The following LINGO1 variants were observed in gnomAD, a reference collection of about 807,000 sequenced individuals.
The protein encoded by LINGO1 is leucine rich repeat and Ig domain containing 1.
In LINGO1, 11 loss-of-function variants were observed where a neutral mutation model predicts 37.3. That is an observed-to-expected ratio of 0.29 (90% CI 0.19 to 0.49). LINGO1 has a LOEUF of 0.49. Ranked by LOEUF, LINGO1 falls within the 20% of genes least tolerant of loss-of-function variation. LINGO1 has a pLI of 0.99. For synonymous variants in LINGO1, 387 were observed against 403.0 expected (o/e 0.96, Z 0.48); for missense variants, 585 against 878.2 (o/e 0.67, Z 4.22).
chr15:77,686,584 C>CCT (rs2075515266), intron 2 of LINGO1, among the ~76,000 whole-genome samples: 1 of 152,196 alleles, frequency 6.6e-6, no homozygotes, highest in African/African-American at 2.4e-5. Context: ...CACCGTCAAC[C>CCT]CTCTCACAGG....
upstream of LINGO1, among the ~76,000 whole-genome samples, chr15:77,637,320 C>T (rs575402251): frequency 6.6e-6 from 1 of 152,310 alleles, no homozygotes; most frequent in South Asian, 2.1e-4. The surrounding 1 kb of genome is among the most constrained non-coding windows in gnomAD (Gnocchi z 4.6). Context: ...GGGAGGCCCA[C>T]CCCCGTTAAC....
At chr15:77,664,170 T>TGTGC in intron 3 of LINGO1, among the ~76,000 whole-genome samples, 1,350 of 130,916 alleles carry the variant, frequency 0.01, 14 homozygotes, top group South Asian at 0.028. Context: ...TGTGTGTGTG[T>TGTGC]GCGCGCGCGC....
At chr15:77,642,208 C>T (rs1374634652) in intron 3 of LINGO1, among the ~76,000 whole-genome samples, 1 of 152,182 alleles carries the variant, frequency 6.6e-6, no homozygotes, top group Non-Finnish European at 1.5e-5. Context: ...AGACCTGAGT[C>T]CAGGACAGCA....
At chr15:77,674,622 C>T (rs537268635) in intron 3 of LINGO1, among the ~76,000 whole-genome samples, 6 of 152,090 alleles carry the variant, frequency 3.9e-5, no homozygotes, top group Non-Finnish European at 8.8e-5. Context: ...ACCTGCTGTT[C>T]CCTCTGTTTG....
chr15:77,659,159 A>T (rs1165682804), intron 3 of LINGO1, among the ~76,000 whole-genome samples: 1 of 152,154 alleles, frequency 6.6e-6, no homozygotes, highest in African/African-American at 2.4e-5. Context: ...TGAAGCGTAT[A>T]AGCAGGGCTT....
intron 1 of LINGO1, among the ~76,000 whole-genome samples, chr15:77,776,719 T>G (rs2076659623): frequency 6.6e-6 from 1 of 152,138 alleles, no homozygotes; most frequent in African/African-American, 2.4e-5. Flanking sequence ...CAATCTGGGA[T>G]TTGAAACCAG....
chr15:77,647,869 C>A, intron 3 of LINGO1: 1 of 456,662 alleles, frequency 2.2e-6, no homozygotes, highest in African/African-American at 2.0e-5. Context: ...AGCTGGGCTG[C>A]TGGAGTCACA....
chr15:77,634,498 G>A (rs2074354894), upstream of LINGO1: 1 of 365,338 alleles, frequency 2.7e-6, no homozygotes, highest in African/African-American at 2.1e-5. Flanking sequence ...TTGTTCCCCT[G>A]TGACAGAGGG....
At chr15:77,814,835 A>T (rs1316267516) in intron 1 of LINGO1, among the ~76,000 whole-genome samples, 3 of 152,184 alleles carry the variant, frequency 2.0e-5, no homozygotes, top group Non-Finnish European at 4.4e-5. Context: ...GGGTTTGGGG[A>T]TATGTCACAT....
chr15:77,776,474 C>G (rs923686900), intron 1 of LINGO1, among the ~76,000 whole-genome samples: 12 of 129,740 alleles, frequency 9.2e-5, no homozygotes, highest in African/African-American at 3.7e-4. Context: ...GGCAGGAAGG[C>G]AGGAAGGCAG....
At chr15:77,638,900 A>G (rs145896685), upstream of LINGO1, among the ~76,000 whole-genome samples, 1 of 152,252 alleles carries the variant, frequency 6.6e-6, no homozygotes, top group Admixed American at 6.5e-5. Context: ...CTTTTAGTGA[A>G]CAGAATACGG....
chr15:77,613,779 G>A lies in LINGO1; in HGVS notation c.*265C>T, dbSNP rs968265160. ...TTTTTATTGAATTATTGACTCTGCC[G>A]CGTGTCGGTTCGTCGGCTTTCAACT... On this transcript the variant is annotated 3_prime_UTR_variant, in exon 2 of 2. Coordinates refer to ENST00000355300, the MANE Select transcript of LINGO1 (RefSeq NM_032808.7). 29 of 465,854 alleles carry A rather than the reference G, an allele frequency of 6.2e-5. No homozygotes were observed. In the Middle Eastern group the frequency reaches 1.6e-3, roughly 26 times the overall value. The allele number at this position is 465,854 out of a possible 1,614,324, so 28.9% of individuals were successfully genotyped here.
At chr15:77,809,933 G>C (rs1035586268) in intron 1 of LINGO1, among the ~76,000 whole-genome samples, 3 of 152,166 alleles carry the variant, frequency 2.0e-5, no homozygotes, top group Non-Finnish European at 4.4e-5. Context: ...TGGCGCTGCA[G>C]GGCTGGAGAG....
At chr15:77,802,206 C>T (rs530959832) in intron 1 of LINGO1, among the ~76,000 whole-genome samples, 4 of 151,742 alleles carry the variant, frequency 2.6e-5, no homozygotes, top group East Asian at 1.9e-4. Flanking sequence ...TGTGGGTCTG[C>T]GGAGGTGAAC....
chr15:77,808,081 G>A (rs1465777346), intron 1 of LINGO1, among the ~76,000 whole-genome samples: 2 of 151,886 alleles, frequency 1.3e-5, no homozygotes, highest in East Asian at 3.9e-4. Context: ...GCCCCCAGCT[G>A]CCCCCTGCTC....
chr15:77,745,733 T>C (rs1381270246), intron 1 of LINGO1, among the ~76,000 whole-genome samples: 2 of 152,174 alleles, frequency 1.3e-5, no homozygotes, highest in Non-Finnish European at 2.9e-5. Context: ...CAGCCATCTT[T>C]ATTTCATAGA....
intron 1 of LINGO1, among the ~76,000 whole-genome samples, chr15:77,621,363 G>A (rs867124688): frequency 4.6e-5 from 7 of 152,160 alleles, no homozygotes; most frequent in African/African-American, 1.7e-4. Context: ...CTGAGGTTTG[G>A]GGCTTTATAC....
intron 1 of LINGO1, among the ~76,000 whole-genome samples, chr15:77,754,088 T>C (rs1227819282): frequency 1.5e-5 from 2 of 137,374 alleles, no homozygotes; most frequent in Non-Finnish European, 3.1e-5. Context: ...GGAGCAGGGA[T>C]GGGGGAAAGG....
chr15:77,615,750 G>A lies in LINGO1; in HGVS notation c.157C>T (p.Arg53Cys). 3.2e-6 allele frequency: 5 copies of A among 1,586,060 alleles called. No homozygotes were observed. The highest frequency in any genetic ancestry group is 4.3e-6 in the Non-Finnish European group (5 of 1,170,252). Reference protein sequence around the residue: ...PPRCECSAQDRAVLCHRKRFV... With the variant: ...PPRCECSAQDCAVLCHRKRFV... ...CGCTTGCGGTGGCACAGCACAGCGC[G>A]GTCCTGGGCGGAGCACTCGCAGCGG... The change falls in exon 2 of 2, where the codon CGC (arginine) becomes TGC (cysteine). Residue 53 changes from arginine to cysteine, a missense_variant. This residue lies in a region of LINGO1 where 484 missense variants were observed against 735.0 expected (regional missense o/e 0.66). Transcript: ENST00000355300.
Sources: allele counts gnomAD v4.1 joint callset (sites outside exome capture counted in the v4.1 genomes callset), GRCh38; gene constraint gnomAD v4.1.1; regional missense constraint gnomAD v4.1.1; non-coding constraint Gnocchi (gnomAD v3.1); transcripts MANE v1.5; gene names NCBI Gene and HGNC (gene_info 2026-07-23, HGNC 2026-07-21).